The following PTPRT variants were observed in gnomAD, a reference collection of about 807,000 sequenced individuals.
The protein encoded by PTPRT is protein tyrosine phosphatase receptor type T.
In PTPRT, 56 loss-of-function variants were observed where a neutral mutation model predicts 176.8. The observed-to-expected ratio is 0.32, with a 90% CI of 0.26 to 0.40. The LOEUF is 0.40. Among genes scored for constraint, PTPRT ranks in the 10% least tolerant of loss-of-function variants. PTPRT has a pLI of 1.00. For synonymous variants in PTPRT, 783 were observed against 739.0 expected, an observed-to-expected ratio of 1.06 and a Z score of -0.96; for missense variants, 1,540 against 1,908.2, an observed-to-expected ratio of 0.81 and a Z score of 3.60.
At chr20:42,434,506 G>T (rs2059243875) in intron 9 of PTPRT, among the ~76,000 whole-genome samples, 1 of 151,972 alleles carries the variant, frequency 6.6e-6, no homozygotes. Context: ...GTCTATTAGA[G>T]ATTATTATAA....
intron 7 of PTPRT, among the ~76,000 whole-genome samples, chr20:42,677,456 G>A (rs1188847990): frequency 6.6e-6 from 1 of 152,012 alleles, no homozygotes; most frequent in Non-Finnish European, 1.5e-5. Flanking sequence ...AGAGAAACAC[G>A]GCCAGGGCCC....
intron 7 of PTPRT, among the ~76,000 whole-genome samples, chr20:42,640,624 G>A (rs1333964414): frequency 1.3e-5 from 2 of 152,060 alleles, no homozygotes; most frequent in Non-Finnish European, 2.9e-5. Context: ...CCTGACCACC[G>A]CCTCAGCCTC....
chr20:42,808,234 C>T (rs2077642140), intron 2 of PTPRT, among the ~76,000 whole-genome samples: 2 of 152,186 alleles, frequency 1.3e-5, no homozygotes, highest in Non-Finnish European at 2.9e-5. Flanking sequence ...AGCTGCTAGT[C>T]CAGGGGGCAA....
intron 7 of PTPRT, among the ~76,000 whole-genome samples, chr20:42,529,480 A>G (rs1243464167): frequency 6.6e-6 from 1 of 152,032 alleles, no homozygotes; most frequent in Non-Finnish European, 1.5e-5. Flanking sequence ...GCCTTGCACA[A>G]AGTCAATTTT....
intron 2 of PTPRT, among the ~76,000 whole-genome samples, chr20:42,808,190 G>A (rs1247841220): frequency 2.6e-5 from 4 of 152,294 alleles, no homozygotes; most frequent in East Asian, 1.9e-4. Context: ...ACTTCCTCCC[G>A]CAGCCTGCTG....
intron 3 of PTPRT, 119 bp from the exon 4 acceptor site, chr20:42,780,418 CCTT>C: frequency 4.1e-6 from 3 of 731,808 alleles, no homozygotes; most frequent in Admixed American, 2.1e-5. Context: ...ACCCAAGAAA[CCTT>C]CTGTTAAGAC....
chr20:42,269,229 G>A (rs890373857), intron 13 of PTPRT, among the ~76,000 whole-genome samples: 2 of 152,196 alleles, frequency 1.3e-5, no homozygotes, highest in African/African-American at 4.8e-5. Flanking sequence ...CAGTCTCAGT[G>A]TCCAGGGAAC....
At chr20:42,235,962 A>G (rs2056233167) in intron 15 of PTPRT, among the ~76,000 whole-genome samples, 1 of 152,224 alleles carries the variant, frequency 6.6e-6, no homozygotes, top group Non-Finnish European at 1.5e-5. Flanking sequence ...CTAACTAGAA[A>G]ATTACACTCA....
At chr20:42,821,458 T>C (rs748969917) in intron 2 of PTPRT, among the ~76,000 whole-genome samples, 74 of 152,224 alleles carry the variant, frequency 4.9e-4, no homozygotes, top group Non-Finnish European at 9.9e-4. Flanking sequence ...CAATATCTTA[T>C]TGAACGGGCA....
Position 42,641,971 on chromosome 20 carries a change from G to C in PTPRT, c.1153+35895C>G, listed in dbSNP as rs144621730. On this transcript the variant is annotated intron_variant, in intron 7 of 30. Transcript: ENST00000373187. ...GATACCTGTCTCACAGGCTAACATGGAGCTGAGATGGGAGAGCATAGAGCT... is the reference window on the plus strand; with the variant it reads ...GATACCTGTCTCACAGGCTAACATGCAGCTGAGATGGGAGAGCATAGAGCT... Among the ~76,000 whole-genome samples, 454 of 152,224 alleles carry C rather than the reference G, an allele frequency of 3.0e-3. 4 individuals are homozygous for C. Among genetic ancestry groups the C allele is most frequent in the African/African-American group, 0.011 (438 of 41,514 alleles).
chr20:43,081,712 T>C (rs1419160635), intron 1 of PTPRT, among the ~76,000 whole-genome samples: 1 of 152,216 alleles, frequency 6.6e-6, no homozygotes. Context: ...ACCTAGAATA[T>C]AATCCATTTT....
chr20:43,019,325 A>C (rs917836942), intron 1 of PTPRT, among the ~76,000 whole-genome samples: 1 of 152,148 alleles, frequency 6.6e-6, no homozygotes, highest in Non-Finnish European at 1.5e-5. Flanking sequence ...ATTTGATTAG[A>C]ATAATTGGGC....
intron 13 of PTPRT, among the ~76,000 whole-genome samples, chr20:42,278,628 G>T (rs6016734): frequency 6.4e-4 from 97 of 152,140 alleles, no homozygotes; most frequent in African/African-American, 2.2e-3. Flanking sequence ...CTCAAAGGGG[G>T]ACTGAACAAT....
intron 7 of PTPRT, among the ~76,000 whole-genome samples, chr20:42,560,105 G>A (rs1297215133): frequency 6.6e-6 from 1 of 152,212 alleles, no homozygotes; most frequent in Non-Finnish European, 1.5e-5. Flanking sequence ...TGTTGTCTGA[G>A]GAGGACCAGG....
chr20:42,534,468 C>T (rs979009928), intron 7 of PTPRT, among the ~76,000 whole-genome samples: 18 of 151,932 alleles, frequency 1.2e-4, no homozygotes, highest in Non-Finnish European at 2.5e-4. Flanking sequence ...CCCGTCTCTA[C>T]TAAAAATACC....
intron 16 of PTPRT, among the ~76,000 whole-genome samples, chr20:42,188,812 A>G (rs1262071097): frequency 1.3e-5 from 2 of 152,220 alleles, no homozygotes; most frequent in Middle Eastern, 3.2e-3. Flanking sequence ...GGCCTAGGAT[A>G]AATTGTCAAA....
At chr20:42,810,747 C>G (rs756882977) in intron 2 of PTPRT, among the ~76,000 whole-genome samples, 4 of 152,176 alleles carry the variant, frequency 2.6e-5, no homozygotes, top group Non-Finnish European at 4.4e-5. Context: ...AAACACTGTT[C>G]CCACCCAAAA....
chr20:42,844,825 G>A lies in PTPRT; in HGVS notation c.214+40982C>T, dbSNP rs149349033. On this transcript the variant is annotated intron_variant, in intron 2 of 30. Transcript: ENST00000373187. ...TCAGACCCCATGCTAGGAGATGGGCGTACGGGGATTTGGCAAGCTGCCTAG... is the reference window on the plus strand; with the variant it reads ...TCAGACCCCATGCTAGGAGATGGGCATACGGGGATTTGGCAAGCTGCCTAG... Among the ~76,000 whole-genome samples, 755 of 152,316 alleles carry A rather than the reference G, an allele frequency of 5.0e-3. 5 individuals carry two copies. Among genetic ancestry groups the A allele is most frequent in the African/African-American group, 0.017 (711 of 41,572 alleles).
chr20:42,371,928 A>G (rs2058592049), intron 9 of PTPRT, among the ~76,000 whole-genome samples: 2 of 152,186 alleles, frequency 1.3e-5, no homozygotes, highest in Admixed American at 1.3e-4. Context: ...GTTGGGGCTG[A>G]GTCTCCATGT....
Sources: gnomAD v4.1 joint callset for allele counts (sites outside exome capture counted in the v4.1 genomes callset) on GRCh38, gnomAD v4.1.1 for gene constraint, MANE v1.5 for transcripts, NCBI Gene and HGNC (gene_info 2026-07-23, HGNC 2026-07-21) for gene names.